The following SND1 variants were observed in gnomAD, a reference collection of about 807,000 sequenced individuals.
SND1 encodes staphylococcal nuclease domain-containing protein 1.
Under a neutral mutation model 121.7 loss-of-function variants are expected in SND1, and 38 were observed. The observed-to-expected ratio is 0.31, with a 90% CI of 0.24 to 0.41. SND1 has a LOEUF of 0.41. SND1 is among the 10% of genes least tolerant of loss of function. The probability of loss-of-function intolerance (pLI) is 1.00; values close to 1 mark genes in which losing one functional copy is unlikely to be tolerated. For synonymous variants in SND1, 401 were observed against 447.4 expected (o/e 0.90, Z 1.31); for missense variants, 868 against 1,184.6 (o/e 0.73, Z 3.92).
intron 12 of SND1, among the ~76,000 whole-genome samples, chr7:127,866,204 C>A (rs1399965044): frequency 1.3e-5 from 2 of 152,300 alleles, no homozygotes; most frequent in East Asian, 3.9e-4. Context: ...CTAGACAACT[C>A]ATTTTGAAGA....
intron 14 of SND1, among the ~76,000 whole-genome samples, chr7:127,908,527 C>G (rs1205053612): frequency 6.6e-6 from 1 of 152,102 alleles, no homozygotes; most frequent in Admixed American, 6.6e-5. Context: ...GAAGTACCAG[C>G]CACTGCTGCC....
intron 15 of SND1, among the ~76,000 whole-genome samples, chr7:127,938,980 G>C (rs546904223): frequency 6.6e-6 from 1 of 152,236 alleles, no homozygotes; most frequent in East Asian, 1.9e-4. Flanking sequence ...GTGTCTACTG[G>C]AGTAAAGAAT....
At position 127,943,833 on chromosome 7, in the gene SND1, C is replaced by T. The variant is rs74969995; in HGVS notation, c.1669+14504C>T. Among the ~76,000 whole-genome samples, 1,212 of 152,316 alleles carry T rather than the reference C, an allele frequency of 8.0e-3. 12 individuals carry two copies. Among genetic ancestry groups the T allele is most frequent in the African/African-American group, 0.025 (1,029 of 41,560 alleles). The stretch of plus-strand genomic sequence containing the variant: ...TGCTGATGAAAGCAGTTTTGACGAA[C>T]AACTCAATAAAGAGCCATGGAATCC... On this transcript the variant is annotated intron_variant, in intron 15 of 23. Coordinates refer to ENST00000354725, the MANE Select transcript of SND1 (RefSeq NM_014390.4).
chr7:128,016,966 G>A (rs950612433), intron 16 of SND1, among the ~76,000 whole-genome samples: 2 of 152,226 alleles, frequency 1.3e-5, no homozygotes, highest in Admixed American at 6.5e-5. Context: ...TTGAGGTATA[G>A]GTCCCAAGGA....
intron 16 of SND1, among the ~76,000 whole-genome samples, chr7:128,041,593 C>T (rs6953396): frequency 1.1e-3 from 167 of 152,274 alleles, no homozygotes; most frequent in African/African-American, 3.7e-3. Flanking sequence ...ATGATCTAAA[C>T]GTGCTAGAAC....
At chr7:127,819,747 G>A (rs1379726482) in intron 11 of SND1, among the ~76,000 whole-genome samples, 2 of 152,130 alleles carry the variant, frequency 1.3e-5, no homozygotes, top group South Asian at 2.1e-4. Flanking sequence ...TTTGTTGCCC[G>A]GTTTTGCATT....
At chr7:127,947,960 G>A (rs370131038) in intron 15 of SND1, among the ~76,000 whole-genome samples, 15 of 152,176 alleles carry the variant, frequency 9.9e-5, no homozygotes, top group African/African-American at 3.6e-4. Flanking sequence ...TGCCCCCATT[G>A]CTATCCATGA....
intron 14 of SND1, among the ~76,000 whole-genome samples, chr7:127,909,447 C>T (rs1800410358): frequency 6.6e-6 from 1 of 150,440 alleles, no homozygotes; most frequent in South Asian, 2.1e-4. Context: ...CGTAGTATTT[C>T]TGATTTTTTT....
chr7:128,058,825 TCCCTCCTTCCCTC>T (rs938976777), intron 16 of SND1, among the ~76,000 whole-genome samples: 4 of 151,870 alleles, frequency 2.6e-5, no homozygotes, highest in Admixed American at 2.6e-4. Flanking sequence ...TCTCGTTCCG[TCCCTCCTTCCCTC>T]CCCTCCTTCC....
rs547183931 is a variant in SND1, at chr7:127,925,450, A to G, written c.1528-3738A>G. Among the ~76,000 whole-genome samples, 52 of 152,324 alleles carry G rather than the reference A, an allele frequency of 3.4e-4. No homozygotes were observed. In the East Asian group the frequency reaches 4.2e-3, roughly 12 times the overall value. On this transcript the variant is annotated intron_variant, in intron 14 of 23. Transcript: ENST00000354725. ...GACCTTATGTAAGGAAGCAATAGCAATGAAAACTGAGAGTGAAAGCCTTAG... is the reference window on the plus strand; with the variant it reads ...GACCTTATGTAAGGAAGCAATAGCAGTGAAAACTGAGAGTGAAAGCCTTAG...
At chr7:128,075,232 A>G (rs1793487818) in intron 17 of SND1, among the ~76,000 whole-genome samples, 1 of 152,192 alleles carries the variant, frequency 6.6e-6, no homozygotes, top group African/African-American at 2.4e-5. Context: ...TTGGAAACCA[A>G]TTGACAATTG....
intron 11 of SND1, among the ~76,000 whole-genome samples, chr7:127,843,159 T>G (rs1477350403): frequency 6.6e-6 from 1 of 152,146 alleles, no homozygotes; most frequent in East Asian, 1.9e-4. Context: ...TACAGAGATT[T>G]CCCATATACC....
chr7:127,763,356 AT>A (rs1563004527), intron 10 of SND1, among the ~76,000 whole-genome samples: 2 of 151,764 alleles, frequency 1.3e-5, no homozygotes, highest in African/African-American at 4.8e-5. Flanking sequence ...AGTCAAATTA[AT>A]TTTTTTTGAG....
chr7:127,865,248 G>A (rs1009137811), intron 12 of SND1, among the ~76,000 whole-genome samples: 1 of 152,190 alleles, frequency 6.6e-6, no homozygotes, highest in African/African-American at 2.4e-5. Context: ...CTTGGCCATG[G>A]CCCTTACTAA....
intron 10 of SND1, among the ~76,000 whole-genome samples, chr7:127,757,995 T>C (rs1341141140): frequency 6.6e-6 from 1 of 152,192 alleles, no homozygotes; most frequent in East Asian, 1.9e-4. Flanking sequence ...TAAGTATCAA[T>C]ATAACTGTAA....
At chr7:127,885,195 T>C (rs1262245988) in intron 12 of SND1, among the ~76,000 whole-genome samples, 1 of 152,164 alleles carries the variant, frequency 6.6e-6, no homozygotes, top group Non-Finnish European at 1.5e-5. Flanking sequence ...TCACAGTGTT[T>C]ATCACTCACC....
chr7:128,007,819 G>A (rs958327966), intron 16 of SND1, among the ~76,000 whole-genome samples: 9 of 152,122 alleles, frequency 5.9e-5, no homozygotes, highest in Non-Finnish European at 8.8e-5. Flanking sequence ...AGTTTCCAAG[G>A]ACTTGAGCAT....
At chr7:127,772,406 TTCTTTGCGA>T (rs1797529908) in intron 10 of SND1, among the ~76,000 whole-genome samples, 1 of 152,164 alleles carries the variant, frequency 6.6e-6, no homozygotes, top group Non-Finnish European at 1.5e-5. Context: ...AGAGAGATGC[TTCTTTGCGA>T]TCTTTAAAAC....
intron 10 of SND1, among the ~76,000 whole-genome samples, chr7:127,729,246 T>C (rs1488335378): frequency 6.6e-6 from 1 of 152,156 alleles, no homozygotes; most frequent in Non-Finnish European, 1.5e-5. Context: ...TCTTGATTCA[T>C]TGAAGTTTAT....
Sources: gnomAD v4.1 joint callset for allele counts (sites outside exome capture counted in the v4.1 genomes callset) on GRCh38, gnomAD v4.1.1 for gene constraint, MANE v1.5 for transcripts, NCBI Gene and HGNC (gene_info 2026-07-23, HGNC 2026-07-21) for gene names.